EPHA5: variants seen among roughly 807,000 people sequenced by gnomAD.
EPHA5 encodes ephrin type-A receptor 5.
Under a neutral mutation model 105.0 loss-of-function variants are expected in EPHA5, and 60 were observed. The ratio of observed to expected loss-of-function variants is 0.57; its 90% confidence interval spans 0.46 to 0.71. The LOEUF is 0.71. Among genes scored for constraint, EPHA5 ranks in the 30% least tolerant of loss-of-function variants. The pLI, the probability that EPHA5 is intolerant of heterozygous loss-of-function variation, is 0.00. For missense variants in EPHA5, 1,218 were observed against 1,274.7 expected (o/e 0.96, Z 0.68); for synonymous variants, 513 against 449.1 (o/e 1.14, Z -1.80).
chr4:65,331,762 ATTTG>A (rs2148797010), intron 16 of EPHA5: 1 of 1,234,266 alleles, frequency 8.1e-7, no homozygotes, highest in South Asian at 3.7e-5. Flanking sequence ...TGCCAATGTT[ATTTG>A]TTTGAAGCAA....
rs563463873 is a variant in EPHA5 at position 65,375,455 on chromosome 4, T to G, written c.1794-8031A>C. Among the ~76,000 whole-genome samples the G allele has an allele frequency of 8.5e-5, 13 of 152,054 alleles. No homozygotes were observed. In the South Asian group the frequency reaches 1.7e-3, roughly 19 times the overall value. On this transcript the variant is annotated intron_variant, in intron 8 of 16. Coordinates refer to ENST00000613740, the MANE Select transcript of EPHA5 (RefSeq NM_001281766.3). ...TTCTGCCCTTCTATTTTCCTTCTTT[T>G]ATTCTATTCGTTTTATAAACCACCT...
intron 3 of EPHA5, among the ~76,000 whole-genome samples, chr4:65,540,162 A>G (rs1461794208): frequency 1.3e-5 from 2 of 151,656 alleles, no homozygotes; most frequent in Admixed American, 1.3e-4. Context: ...AACTAGTAGC[A>G]ACAATAAATG....
At chr4:65,342,931 CT>C (rs1189928805) in intron 14 of EPHA5, among the ~76,000 whole-genome samples, 3 of 151,842 alleles carry the variant, frequency 2.0e-5, no homozygotes, top group Non-Finnish European at 4.4e-5. Context: ...AATAAAACGA[CT>C]GGATTAAAAC....
intron 8 of EPHA5, among the ~76,000 whole-genome samples, chr4:65,396,179 G>C (rs1721216828): frequency 6.6e-6 from 1 of 152,218 alleles, no homozygotes. Flanking sequence ...TTGAGGATAA[G>C]CTTGGGCACT....
At chr4:65,613,231 A>C (rs1464550004) in intron 2 of EPHA5, among the ~76,000 whole-genome samples, 1 of 152,024 alleles carries the variant, frequency 6.6e-6, no homozygotes, top group Non-Finnish European at 1.5e-5. Context: ...CCACTGATCT[A>C]TCTGTCTATT....
chr4:65,552,100 C>A (rs1304009527), intron 3 of EPHA5, among the ~76,000 whole-genome samples: 1 of 152,082 alleles, frequency 6.6e-6, no homozygotes, highest in Non-Finnish European at 1.5e-5. Context: ...GAAAAAGAAC[C>A]AATATTACTA....
rs921269138 is a variant in EPHA5 at position 65,555,395 on chromosome 4, C to T, written c.910+46246G>A. 5.3e-5 allele frequency among the ~76,000 whole-genome samples: 8 copies of T among 151,972 alleles called. No homozygotes were observed. In the South Asian group the frequency reaches 6.2e-4, roughly 12 times the overall value. On this transcript the variant is annotated intron_variant, in intron 3 of 16. Coordinates refer to ENST00000613740, the MANE Select transcript of EPHA5 (RefSeq NM_001281766.3). ...CCTAAATTTACCTTACAAGAAAATG[C>T]CCACCTATCTGACTATGAGTATCAG...
intron 7 of EPHA5, among the ~76,000 whole-genome samples, chr4:65,411,690 T>C (rs1722924556): frequency 1.3e-5 from 2 of 152,178 alleles, no homozygotes; most frequent in Admixed American, 1.3e-4. Context: ...TGGTATGAAG[T>C]AAATAATTGC....
At chr4:65,492,631 A>G (rs1731526245) in intron 4 of EPHA5, among the ~76,000 whole-genome samples, 2 of 152,122 alleles carry the variant, frequency 1.3e-5, no homozygotes, top group South Asian at 4.1e-4. Context: ...CTTCAATATA[A>G]AACAGTCCCC....
chr4:65,644,382 C>A (rs1747940655), intron 1 of EPHA5, among the ~76,000 whole-genome samples: 2 of 152,008 alleles, frequency 1.3e-5, no homozygotes, highest in Non-Finnish European at 2.9e-5. Flanking sequence ...CCACATGGTT[C>A]TACCTGGCCT....
intron 3 of EPHA5, among the ~76,000 whole-genome samples, chr4:65,590,664 A>C (rs952465404): frequency 6.6e-6 from 1 of 152,160 alleles, no homozygotes; most frequent in Non-Finnish European, 1.5e-5. Flanking sequence ...AGAGAGAGAG[A>C]CAAATTAAGC....
At chr4:65,626,783 C>T (rs1394952383) in intron 2 of EPHA5, among the ~76,000 whole-genome samples, 6 of 152,198 alleles carry the variant, frequency 3.9e-5, no homozygotes, top group African/African-American at 1.4e-4. Flanking sequence ...TTTTACACAG[C>T]TGCCTTCTCT....
intron 3 of EPHA5, among the ~76,000 whole-genome samples, chr4:65,576,086 AAG>A (rs762534862): frequency 4.9e-4 from 42 of 84,880 alleles, no homozygotes; most frequent in Middle Eastern, 5.5e-3. Context: ...AAGAAAAGAA[AAG>A]AAAAGAAAAG....
chr4:65,557,401 C>T (rs1738568764), intron 3 of EPHA5, among the ~76,000 whole-genome samples: 1 of 151,146 alleles, frequency 6.6e-6, no homozygotes, highest in Non-Finnish European at 1.5e-5. Context: ...AACTCTGATC[C>T]ACAATAATTT....
chr4:65,357,402 C>T lies in EPHA5; in HGVS notation c.2174-4299G>A, dbSNP rs569654033. 2.0e-5 allele frequency among the ~76,000 whole-genome samples: 3 copies of T among 151,540 alleles called. No individual in the cohort carries two copies. The East Asian group carries it at 5.8e-4, about 29-fold the overall frequency. ...AAATTCAAAATATTTACTTTGATTT[C>T]ATTTTAAAAACTCACAAATATTCAT... On this transcript the variant is annotated intron_variant, in intron 11 of 16. Coordinates refer to ENST00000613740, the MANE Select transcript of EPHA5 (RefSeq NM_001281766.3).
intron 5 of EPHA5, among the ~76,000 whole-genome samples, chr4:65,477,508 G>T (rs1417605092): frequency 6.6e-6 from 1 of 151,988 alleles, no homozygotes; most frequent in Non-Finnish European, 1.5e-5. Context: ...TGCCTCCCGG[G>T]TTTAAGTGAT....
intron 3 of EPHA5, among the ~76,000 whole-genome samples, chr4:65,595,036 T>A (rs1236121214): frequency 6.6e-6 from 1 of 152,158 alleles, no homozygotes; most frequent in Admixed American, 6.5e-5. Flanking sequence ...ATACATAAAA[T>A]TAATGTATTA....
chr4:65,386,743 C>G (rs558725427), intron 8 of EPHA5, among the ~76,000 whole-genome samples: 56 of 151,848 alleles, frequency 3.7e-4, no homozygotes, highest in African/African-American at 1.2e-3. Flanking sequence ...ATTAAAAATT[C>G]AACTGTACAA....
chr4:65,345,917 C>T (rs1722175306), intron 14 of EPHA5, among the ~76,000 whole-genome samples: 3 of 152,046 alleles, frequency 2.0e-5, no homozygotes, highest in Non-Finnish European at 4.4e-5. Flanking sequence ...GGACTACAGG[C>T]GCCCGCCACC....
Sources: gnomAD v4.1 joint callset for allele counts (sites outside exome capture counted in the v4.1 genomes callset) on GRCh38, gnomAD v4.1.1 for gene constraint, MANE v1.5 for transcripts, NCBI Gene and HGNC (gene_info 2026-07-23, HGNC 2026-07-21) for gene names.